The following MARCHF1 variants were observed in gnomAD, a reference collection of about 807,000 sequenced individuals.
The protein encoded by MARCHF1 is E3 ubiquitin-protein ligase MARCHF1.
In MARCHF1, 40 loss-of-function variants were observed where a neutral mutation model predicts 54.2. The observed-to-expected ratio is 0.74, with a 90% confidence interval of 0.57 to 0.96. The LOEUF (loss-of-function observed/expected upper bound fraction) is 0.96. Among genes scored for constraint, MARCHF1 ranks in the 40% least tolerant of loss-of-function variants. MARCHF1 has a pLI of 0.00. For synonymous variants in MARCHF1, 236 were observed against 236.3 expected (o/e 1.00, Z 0.01); for missense variants, 586 against 656.5 (o/e 0.89, Z 1.17).
intron 1 of MARCHF1, among the ~76,000 whole-genome samples, chr4:164,270,755 G>A (rs1733725714): frequency 1.3e-5 from 2 of 152,018 alleles, no homozygotes; most frequent in Admixed American, 1.3e-4. Context: ...AAAGAGGAAG[G>A]GATATATTAT....
At chr4:163,852,592 A>G (rs1749670621) in intron 4 of MARCHF1, among the ~76,000 whole-genome samples, 1 of 152,180 alleles carries the variant, frequency 6.6e-6, no homozygotes, top group Non-Finnish European at 1.5e-5. Context: ...AAAGGAAACC[A>G]TTCCCTAAAA....
chr4:164,064,345 T>G (rs1754683586), intron 2 of MARCHF1, among the ~76,000 whole-genome samples: 1 of 152,218 alleles, frequency 6.6e-6, no homozygotes, highest in Admixed American at 6.5e-5. Context: ...CTTTGGGCAG[T>G]GGTTTATAGT....
At chr4:163,646,379 T>C (rs1402600721) in intron 5 of MARCHF1, among the ~76,000 whole-genome samples, 2 of 152,022 alleles carry the variant, frequency 1.3e-5, no homozygotes, top group Admixed American at 6.6e-5. Context: ...TCATCAAAAA[T>C]GCCAAAGGAA....
chr4:164,378,838 A>C (rs1215544124), intron 1 of MARCHF1, among the ~76,000 whole-genome samples: 1 of 152,198 alleles, frequency 6.6e-6, no homozygotes, highest in South Asian at 2.1e-4. Context: ...CAGCCTCCCA[A>C]GTAGCTGGGA....
At chr4:163,569,257 AC>A (rs1427545119) in intron 8 of MARCHF1, among the ~76,000 whole-genome samples, 1 of 152,098 alleles carries the variant, frequency 6.6e-6, no homozygotes, top group African/African-American at 2.4e-5. Flanking sequence ...TGGGAATGCT[AC>A]AGTTCAATCA....
Position 163,534,022 on chromosome 4 carries a change from T to A in MARCHF1, c.1340-4976A>T, listed in dbSNP as rs571508278. ...CCAGTGCCTTTCTTAGTAAACTTTA[T>A]CCAAAGTCCTATCTGGGTAGCTGTT... On this transcript the variant is annotated intron_variant, in intron 9 of 9. Transcript: ENST00000514618. 2.0e-5 allele frequency among the ~76,000 whole-genome samples: 3 copies of A among 152,134 alleles called. No individual in the cohort carries two copies. The East Asian group carries it at 5.8e-4, about 29-fold the overall frequency.
intron 8 of MARCHF1, among the ~76,000 whole-genome samples, chr4:163,562,975 A>G (rs535940185): frequency 6.6e-6 from 1 of 152,208 alleles, no homozygotes; most frequent in South Asian, 2.1e-4. Flanking sequence ...CTGCTACTTA[A>G]TTGAGTCCAT....
rs572678773 is a variant in MARCHF1, at chr4:163,692,078, G to A, written c.162+8735C>T. ...TTGTGTGTATTGGTCACATGTTCACGGACTGGCGTGGCCCAAGGATCATTG... is the reference window on the plus strand; with the variant it reads ...TTGTGTGTATTGGTCACATGTTCACAGACTGGCGTGGCCCAAGGATCATTG... On this transcript the variant is annotated intron_variant, in intron 5 of 9. Transcript: ENST00000514618. Among the ~76,000 whole-genome samples, 29 of 152,258 alleles carry A rather than the reference G, an allele frequency of 1.9e-4. 1 individual carries two copies. In the South Asian group the frequency reaches 2.5e-3, roughly 13 times the overall value.
intron 4 of MARCHF1, among the ~76,000 whole-genome samples, chr4:163,709,284 A>G (rs891368261): frequency 1.3e-5 from 2 of 152,148 alleles, no homozygotes; most frequent in African/African-American, 4.8e-5. Flanking sequence ...ATAAAGTTTC[A>G]GTTGTTTTAG....
intron 1 of MARCHF1, among the ~76,000 whole-genome samples, chr4:164,379,305 A>G (rs1731295700): frequency 6.6e-6 from 1 of 152,142 alleles, no homozygotes; most frequent in African/African-American, 2.4e-5. Context: ...GAAGGTCAAA[A>G]GAATACTCAA....
chr4:163,913,223 G>A (rs1056694197), intron 3 of MARCHF1, among the ~76,000 whole-genome samples: 15 of 152,182 alleles, frequency 9.9e-5, no homozygotes, highest in Non-Finnish European at 2.2e-4. Flanking sequence ...CGTTTTGTGT[G>A]ACCACACATG....
At chr4:163,821,736 A>G (rs1420027014) in intron 4 of MARCHF1, among the ~76,000 whole-genome samples, 1 of 151,878 alleles carries the variant, frequency 6.6e-6, no homozygotes, top group East Asian at 1.9e-4. Context: ...ATGAAGGTGG[A>G]AAATTACAGC....
rs757843719 is a variant in MARCHF1, at chr4:163,545,749, A to G, written c.1192-6T>C. ...GTCATCTGTAGTTTCTCCCACTGCA[A>G]TCAGAAATGAAGGACACAAAACTGA... On this transcript the variant is annotated splice_polypyrimidine_tract_variant and splice_region_variant and intron_variant, in intron 8 of 9. Transcript: ENST00000514618. 5.3e-5 allele frequency: 85 copies of G among 1,612,540 alleles called. No homozygotes were observed. Among genetic ancestry groups the G allele is most frequent in the Non-Finnish European group, 7.0e-5 (83 of 1,179,540 alleles).
chr4:164,045,735 T>C (rs1754229650), intron 2 of MARCHF1, among the ~76,000 whole-genome samples: 1 of 147,906 alleles, frequency 6.8e-6, no homozygotes, highest in South Asian at 2.2e-4. Context: ...AAACTAGTCA[T>C]GTAATACACT....
intron 7 of MARCHF1, among the ~76,000 whole-genome samples, chr4:163,607,870 G>C (rs571647098): frequency 6.6e-6 from 1 of 152,048 alleles, no homozygotes; most frequent in Admixed American, 6.6e-5. Context: ...CTAAGGGTGG[G>C]TCCAGGAATC....
chr4:164,367,736 A>G (rs1730916235), intron 1 of MARCHF1, among the ~76,000 whole-genome samples: 1 of 151,914 alleles, frequency 6.6e-6, no homozygotes, highest in Non-Finnish European at 1.5e-5. Flanking sequence ...TTTATTTTTC[A>G]GTATTCTAAA....
chr4:163,974,925 T>C (rs574049695), intron 3 of MARCHF1, among the ~76,000 whole-genome samples: 2 of 152,320 alleles, frequency 1.3e-5, no homozygotes, highest in South Asian at 2.1e-4. Context: ...ATCCAATTAA[T>C]TGAAGTCCTG....
Position 163,622,615 on chromosome 4 carries a change from A to G in MARCHF1, c.163-9222T>C, listed in dbSNP as rs112001414. On this transcript the variant is annotated intron_variant, in intron 5 of 9. Coordinates refer to ENST00000514618, the MANE Select transcript of MARCHF1 (RefSeq NM_001394959.1). ...ATTCCTAAGTAACTATACGTAGCAA[A>G]CATCTGCACCGTGGGCTGATTAAAA... Among the ~76,000 whole-genome samples, 61 of 152,238 alleles carry G rather than the reference A, an allele frequency of 4.0e-4. 1 individual carries two copies. The highest frequency in any genetic ancestry group is 1.4e-3 in the African/African-American group (59 of 41,566).
intron 1 of MARCHF1, among the ~76,000 whole-genome samples, chr4:164,351,994 T>G (rs1453735897): frequency 7.2e-6 from 1 of 138,386 alleles, no homozygotes; most frequent in African/African-American, 2.6e-5. Context: ...TGCGATCAAC[T>G]GGAAGAAAGG....
Sources: allele counts gnomAD v4.1 joint callset (sites outside exome capture counted in the v4.1 genomes callset), GRCh38; gene constraint gnomAD v4.1.1; transcripts MANE v1.5; gene names NCBI Gene and HGNC (gene_info 2026-07-23, HGNC 2026-07-21).